The following DDX5 variants were observed in gnomAD, a reference collection of about 807,000 sequenced individuals.
The protein encoded by DDX5 is DEAD-box helicase 5.
In DDX5, 6 loss-of-function variants were observed where a neutral mutation model predicts 68.6. That is an observed-to-expected ratio of 0.09 (90% CI 0.05 to 0.17). DDX5 has a LOEUF of 0.17. Ranked by LOEUF, DDX5 falls within the 10% of genes least tolerant of loss-of-function variation. The probability of loss-of-function intolerance (pLI) is 1.00; values close to 1 mark genes in which losing one functional copy is unlikely to be tolerated. For synonymous variants in DDX5, 350 were observed against 247.0 expected, an observed-to-expected ratio of 1.42 and a Z score of -3.91; for missense variants, 499 against 756.1, an observed-to-expected ratio of 0.66 and a Z score of 3.99.
In DDX5 at chr17:64,502,077, G is replaced by A; in HGVS notation, c.1157-8C>T. 1 of 1,614,096 alleles carries A rather than the reference G, an allele frequency of 6.2e-7. No individual in the cohort carries two copies. Among genetic ancestry groups the A allele is most frequent in the African/African-American group, 1.3e-5 (1 of 75,010 alleles). On this transcript the variant is annotated splice_polypyrimidine_tract_variant and splice_region_variant and intron_variant, in intron 10 of 12. Transcript: ENST00000225792. ...CTTTTCCATGTTTGAATTCTACAAA[G>A]GAAGGCATATACATGATCAATTATC...
In DDX5 at chr17:64,500,165, A is replaced by T. The variant is rs782567919; in HGVS notation, c.1603T>A (p.Tyr535Asn). 3 of 1,614,212 alleles carry T rather than the reference A, an allele frequency of 1.9e-6. No homozygotes were observed. Among genetic ancestry groups the T allele is most frequent in the Non-Finnish European group, 1.7e-6 (2 of 1,180,042 alleles). Residue 535 changes from tyrosine to asparagine, a missense_variant, in exon 13 of 13, where the codon TAC (tyrosine) becomes AAC (asparagine). Transcript: ENST00000225792. ...DFGAKTQNGV[Y>N]SAANYTNGSF... The stretch of plus-strand genomic sequence containing the variant: ...CCATTGGTGTAATTTGCAGCACTGT[A>T]AACACCATTCTGAGTTTTTGCCCCA...
At chr17:64,502,654 A>G in intron 8 of DDX5, 105 bp from the exon 9 acceptor site, 1 of 893,570 alleles carries the variant, frequency 1.1e-6, no homozygotes, top group Non-Finnish European at 1.7e-6. Flanking sequence ...ACATGGCTGG[A>G]AGTCAAAGAG....
Position 64,499,077 on chromosome 17 carries a change from G to T in DDX5, c.*846C>A, listed in dbSNP as rs1414353700. Among the ~76,000 whole-genome samples, 4 of 152,144 alleles carry T rather than the reference G, an allele frequency of 2.6e-5. No individual in the cohort carries two copies. The highest frequency in any genetic ancestry group is 5.9e-5 in the Non-Finnish European group (4 of 68,022). On this transcript the variant is annotated 3_prime_UTR_variant, in exon 13 of 13. Transcript: ENST00000225792. ...TCTACAAGTAACCTGCACTAAGAAC[G>T]AAATTCAGTAAAGGAGACTCAAGCT...
chr17:64,505,190 A>C, intron 1 of DDX5: 1 of 270,042 alleles, frequency 3.7e-6, no homozygotes, highest in Non-Finnish European at 7.0e-6. Flanking sequence ...CTAGCAATTC[A>C]CTATCAGCAA....
chr17:64,504,371 A>AC (rs2038373169), intron 2 of DDX5, 53 bp from the exon 3 acceptor site: 1 of 1,450,834 alleles, frequency 6.9e-7, no homozygotes, highest in African/African-American at 1.4e-5. Flanking sequence ...CCCCTAGCTA[A>AC]ATACGTAATT....
chr17:64,506,518 T>C, upstream of DDX5: 1 of 717,126 alleles, frequency 1.4e-6, no homozygotes, highest in Non-Finnish European at 2.0e-6. Context: ...CCTCACCTTC[T>C]TCTGGTCTTT....
rs1184551168 is a variant in DDX5 at position 64,502,092 on chromosome 17, G to T, written c.1157-23C>A. The T allele has an allele frequency of 6.2e-6, 10 of 1,613,806 alleles. No homozygotes were observed. In the East Asian group the frequency reaches 8.9e-5, roughly 14 times the overall value. ...ATTCTACAAAGGAAGGCATATACAT[G>T]ATCAATTATCTGAGCAGAATTCTAG... is the stretch of plus-strand genomic sequence containing the variant. On this transcript the variant is annotated intron_variant, in intron 10 of 12. Transcript: ENST00000225792.
At position 64,505,659 on chromosome 17, in the gene DDX5, C is replaced by T. The variant is rs543956514; in HGVS notation, c.44+417G>A. On this transcript the variant is annotated intron_variant, in intron 1 of 12. Coordinates refer to ENST00000225792, the MANE Select transcript of DDX5 (RefSeq NM_004396.5). ...ATGGCTGATGCCGGCCGCCCTCCTA[C>T]CCCAACAGCACCAGGGCTTTGGAAG... The T allele has an allele frequency of 1.7e-3, 2,407 of 1,393,140 alleles. 35 individuals are homozygous for T. In the African/African-American group the frequency reaches 0.031, roughly 18 times the overall value. 86.3% of individuals were successfully genotyped at this position (1,393,140 alleles called of 1,614,324 possible). A position where few individuals can be genotyped will look rare whatever the true frequency, so the allele number is the denominator to read the frequency against.
chr17:64,504,607 C>CTTT lies in DDX5; in HGVS notation c.210+69_210+70insAAA, dbSNP rs1176403311. On this transcript the variant is annotated intron_variant, in intron 2 of 12. Coordinates refer to ENST00000225792, the MANE Select transcript of DDX5 (RefSeq NM_004396.5). ...CAAAATTGAGTTATTTGCAAAACAC[C>CTTT]TGTCAGAATTTCATTTACTAGAATC... is the stretch of plus-strand genomic sequence containing the variant. 7 of 1,500,848 alleles carry CTTT rather than the reference C, an allele frequency of 4.7e-6. No individual in the cohort carries two copies. In the African/African-American group the frequency reaches 7.0e-5, roughly 15 times the overall value. 93.0% of individuals were successfully genotyped at this position (1,500,848 alleles called of 1,614,324 possible).
Position 64,506,275 on chromosome 17 carries a change from A to G in DDX5, c.-156T>C. On this transcript the variant is annotated 5_prime_UTR_variant, in exon 1 of 13. Transcript: ENST00000225792. ...CGAAGCTGCACTACTAGAGACCGGT[A>G]GAAATGAATGAGGTGCCGGCCGCTT... The G allele has an allele frequency of 2.0e-6, 3 of 1,536,516 alleles. No individual in the cohort carries two copies. The highest frequency in any genetic ancestry group is 8.8e-7 in the Non-Finnish European group (1 of 1,141,604).
Position 64,506,229 on chromosome 17 carries a change from A to G in DDX5, c.-110T>C. 6.4e-7 allele frequency: 1 copy of G among 1,554,130 alleles called. No homozygotes were observed. The highest frequency in any genetic ancestry group is 8.7e-7 in the Non-Finnish European group (1 of 1,149,328). ...AGCCTTGCGGGGGCGGCAGCGGAGG[A>G]AGGACACCGATGACACCAGCCGAAG... On this transcript the variant is annotated 5_prime_UTR_variant, in exon 1 of 13. Transcript: ENST00000225792.
In DDX5 at chr17:64,500,959, C is replaced by A. The variant is rs1568100783; in HGVS notation, c.1217-186G>T. ...GAGGTTGAAAAAAGAAAAAAAAGCA[C>A]ATGTCATCTGTATAATTCATCACCC... On this transcript the variant is annotated intron_variant, in intron 11 of 12. Transcript: ENST00000225792. 3 of 601,436 alleles carry A rather than the reference C, an allele frequency of 5.0e-6. 1 individual carries two copies. Among genetic ancestry groups the A allele is most frequent in the South Asian group, 4.1e-5 (2 of 49,230 alleles). 37.3% of individuals were successfully genotyped at this position (601,436 alleles called of 1,614,324 possible).
chr17:64,504,699 G>A lies in DDX5; in HGVS notation c.188C>T (p.Pro63Leu), dbSNP rs2038382242. The A allele has an allele frequency of 2.5e-6, 4 of 1,613,370 alleles. No individual in the cohort carries two copies. Among genetic ancestry groups the A allele is most frequent in the African/African-American group, 1.3e-5 (1 of 74,814 alleles). ...CACTGCTGTGCGCCTAGCCAAATCAGGGTGCTCTTGATAAAAATTCTTCTC... is the reference window on the plus strand; with the variant it reads ...CACTGCTGTGCGCCTAGCCAAATCAAGGTGCTCTTGATAAAAATTCTTCTC... The part of the protein sequence containing the change: ...KFEKNFYQEH[P>L]DLARRTAQEV... Residue 63 changes from proline (P) to leucine (L), a missense_variant, in exon 2 of 13, where the codon CCT becomes CTT. Coordinates refer to ENST00000225792, the MANE Select transcript of DDX5 (RefSeq NM_004396.5).
intron 11 of DDX5, chr17:64,501,662 G>C (rs2038299981): frequency 3.3e-6 from 1 of 302,900 alleles, no homozygotes; most frequent in Non-Finnish European, 6.2e-6. Flanking sequence ...TGCAAAGCAT[G>C]GGACAGAAGA....
Position 64,506,189 on chromosome 17 carries a change from CCTCGATGA to C in DDX5, c.-78_-71del. 1 of 1,581,322 alleles carries C rather than the reference CCTCGATGA, an allele frequency of 6.3e-7. No individual in the cohort carries two copies. Among genetic ancestry groups the C allele is most frequent in the Non-Finnish European group, 8.6e-7 (1 of 1,163,698 alleles). ...GCGTGCGACAAGTCGCTGGAAATGG[CCTCGATGA>C]CGGCGAAGCCTTGCGGGGGCGGCAG... On this transcript the variant is annotated 5_prime_UTR_variant, in exon 1 of 13. Transcript: ENST00000225792.
rs1252497257 is a variant in DDX5 at position 64,505,892 on chromosome 17, A to G, written c.44+184T>C. ...CAAAAAGCAAGCTTGAAGACACTAC[A>G]CCGTCAAATCTCTTCCAATCACTGT... is the stretch of plus-strand genomic sequence containing the variant. On this transcript the variant is annotated intron_variant, in intron 1 of 12. Coordinates refer to ENST00000225792, the MANE Select transcript of DDX5 (RefSeq NM_004396.5). 30 of 1,535,558 alleles carry G rather than the reference A, an allele frequency of 2.0e-5. No homozygotes were observed. In the South Asian group the frequency reaches 2.5e-4, roughly 13 times the overall value.
chr17:64,505,002 CCA>C (rs2038399711), intron 1 of DDX5, 160 bp from the exon 2 acceptor site: 2 of 594,404 alleles, frequency 3.4e-6, no homozygotes, highest in Non-Finnish European at 5.6e-6. Flanking sequence ...CTCTCAACAG[CCA>C]CAGTTAACAT....
rs1456639309 is a variant in DDX5 at position 64,504,235 on chromosome 17, T to G, written c.294A>C (p.Glu98Asp). The G allele has an allele frequency of 6.2e-7, 1 of 1,614,020 alleles. No homozygotes were observed. Among genetic ancestry groups the G allele is most frequent in the African/African-American group, 1.3e-5 (1 of 74,924 alleles). Residue 98 changes from glutamate (E) to aspartate (D), a missense_variant, in exon 3 of 13, where the codon GAA becomes GAC. Around this residue, in one of 5 missense-constraint regions of DDX5, gnomAD observed 140 missense variants for 135.7 expected, o/e 1.03. Transcript: ENST00000225792. ...NCPKPVLNFY[E>D]ANFPANVMDV... ...AGTAGCACTTACCAGGGAAATTGGC[T>G]TCATAAAAATTTAGAACTGGCTTCG...
At chr17:64,503,613 A>G (rs576888923) in intron 5 of DDX5, 42 bp from the exon 6 acceptor site, 2 of 1,606,784 alleles carry the variant, frequency 1.2e-6, no homozygotes, top group Non-Finnish European at 1.7e-6. Flanking sequence ...CCTGGATACT[A>G]GTTTTAAACT....
Sources: allele counts gnomAD v4.1 joint callset (sites outside exome capture counted in the v4.1 genomes callset), GRCh38; gene constraint gnomAD v4.1.1; regional missense constraint gnomAD v4.1.1; transcripts MANE v1.5; gene names NCBI Gene and HGNC (gene_info 2026-07-23, HGNC 2026-07-21).